Variants in TM4SF20 observed in about 807,000 individuals in gnomAD.
The protein encoded by TM4SF20 is transmembrane 4 L6 family member 20.
Under a neutral mutation model 15.1 loss-of-function variants are expected in TM4SF20, and 13 were observed. The ratio of observed to expected loss-of-function variants is 0.86; its 90% CI spans 0.56 to 1.36. The LOEUF (loss-of-function observed/expected upper bound fraction) is 1.36. TM4SF20 is among the 40% of genes most tolerant of loss of function. The pLI, the probability that TM4SF20 is intolerant of heterozygous loss-of-function variation, is 0.00. For missense variants in TM4SF20, 282 were observed against 268.4 expected (o/e 1.05, Z -0.35); for synonymous variants, 92 against 96.6 (o/e 0.95, Z 0.28).
Position 227,363,634 on chromosome 2 carries a change from T to G in TM4SF20, c.*90A>C. On this transcript the variant is annotated 3_prime_UTR_variant, in exon 4 of 4. Transcript: ENST00000304568. ...CGTGCTTTCTACGTGAAGGGTTGAT[T>G]TTTTAAATCATCTCAAAGATGACTT... 1 of 1,395,088 alleles carries G rather than the reference T, an allele frequency of 7.2e-7. No individual in the cohort carries two copies. The highest frequency in any genetic ancestry group is 9.7e-7 in the Non-Finnish European group (1 of 1,030,788). The allele number at this position is 1,395,088 out of a possible 1,614,324, so 86.4% of individuals were successfully genotyped here. A position where few individuals can be genotyped will look rare whatever the true frequency, so the allele number is the denominator to read the frequency against.
Position 227,363,525 on chromosome 2 carries a change from G to T in TM4SF20, c.*199C>A. Reference sequence around the variant, plus strand: ...CACACAGTGAAGAGGTAAAAAATTTGAATAGTACAACACAAAACTAATTGA... The same window carrying T: ...CACACAGTGAAGAGGTAAAAAATTTTAATAGTACAACACAAAACTAATTGA... On this transcript the variant is annotated 3_prime_UTR_variant, in exon 4 of 4. Coordinates refer to ENST00000304568, the MANE Select transcript of TM4SF20 (RefSeq NM_024795.4). 1 of 524,274 alleles carries T rather than the reference G, an allele frequency of 1.9e-6. No homozygotes were observed. 32.5% of individuals were successfully genotyped at this position (524,274 alleles called of 1,614,324 possible). A position where few individuals can be genotyped will look rare whatever the true frequency, so the allele number is the denominator to read the frequency against.
chr2:227,376,490 T>G (rs1418117891), intron 1 of TM4SF20, among the ~76,000 whole-genome samples: 2 of 152,252 alleles, frequency 1.3e-5, no homozygotes, highest in African/African-American at 2.4e-5. Context: ...CCTCTGTCTA[T>G]AAAGTTCATA....
At chr2:227,373,782 A>T (rs1395857345) in intron 1 of TM4SF20, among the ~76,000 whole-genome samples, 3 of 151,978 alleles carry the variant, frequency 2.0e-5, no homozygotes, top group African/African-American at 7.3e-5. Context: ...ACAAAAAATT[A>T]GCCGGGCTTG....
At chr2:227,377,609 T>C (rs1244753012) in intron 1 of TM4SF20, among the ~76,000 whole-genome samples, 2 of 152,188 alleles carry the variant, frequency 1.3e-5, no homozygotes, top group Non-Finnish European at 2.9e-5. Flanking sequence ...GAAAACTATG[T>C]CCTGAATTTC....
chr2:227,377,853 G>A (rs1195818458), intron 1 of TM4SF20, among the ~76,000 whole-genome samples: 2 of 151,924 alleles, frequency 1.3e-5, no homozygotes, highest in Non-Finnish European at 2.9e-5. Flanking sequence ...AGGAGGGAGA[G>A]GATCAGGCAA....
rs1575020483 is a variant in TM4SF20 at position 227,363,657 on chromosome 2, CTT to C, written c.*65_*66del. On this transcript the variant is annotated 3_prime_UTR_variant, in exon 4 of 4. Coordinates refer to ENST00000304568, the MANE Select transcript of TM4SF20 (RefSeq NM_024795.4). ...ATTTTTTAAATCATCTCAAAGATGA[CTT>C]TGAAAACAAGTGTACTTCTCAAATT... 9.4e-6 allele frequency: 14 copies of C among 1,482,776 alleles called. No homozygotes were observed. The East Asian group carries it at 3.0e-4, about 31-fold the overall frequency. The allele number at this position is 1,482,776 out of a possible 1,614,324, so 91.9% of individuals were successfully genotyped here. A position where few individuals can be genotyped will look rare whatever the true frequency, so the allele number is the denominator to read the frequency against.
At chr2:227,366,062 A>G (rs1321730595) in intron 3 of TM4SF20, 31 bp downstream of exon 3, 1 of 1,595,890 alleles carries the variant, frequency 6.3e-7, no homozygotes, top group Admixed American at 1.8e-5. Context: ...ACTGTGTGAG[A>G]CAGTAAGCCT....
At chr2:227,377,100 T>A (rs1477524606) in intron 1 of TM4SF20, among the ~76,000 whole-genome samples, 1 of 151,006 alleles carries the variant, frequency 6.6e-6, no homozygotes, top group Non-Finnish European at 1.5e-5. Context: ...CATCGCCACC[T>A]CCGACTCCTT....
chr2:227,366,716 C>CAAAAAAAAAAAAAA lies in TM4SF20; in HGVS notation c.250-486_250-473dup, dbSNP rs59401554. ...GCTGGGTGACAGAGCAAGACTCTGTCAAAAAAAAAAAAAAAAAAAAAAAAA... is the reference window on the plus strand; with the variant it reads ...GCTGGGTGACAGAGCAAGACTCTGTCAAAAAAAAAAAAAAAAAAAAAAAAAAAAAAAAAAAAAAA... On this transcript the variant is annotated intron_variant, in intron 2 of 3. Transcript: ENST00000304568. Among the ~76,000 whole-genome samples, 24 of 68,190 alleles carry CAAAAAAAAAAAAAA rather than the reference C, an allele frequency of 3.5e-4. 2 individuals are homozygous for CAAAAAAAAAAAAAA. The highest frequency in any genetic ancestry group is 5.0e-4 in the Non-Finnish European group (18 of 36,152). 44.7% of individuals were successfully genotyped at this position (68,190 alleles called of 152,430 possible). A position where few individuals can be genotyped will look rare whatever the true frequency, so the allele number is the denominator to read the frequency against.
At chr2:227,365,441 T>C (rs920306984) in intron 3 of TM4SF20, among the ~76,000 whole-genome samples, 5 of 152,186 alleles carry the variant, frequency 3.3e-5, no homozygotes, top group African/African-American at 1.2e-4. Context: ...AATGATGTAC[T>C]TAAAAGACTA....
At position 227,362,612 on chromosome 2, in the gene TM4SF20, A is replaced by C. The variant is rs1372810564; in HGVS notation, c.*1112T>G. On this transcript the variant is annotated 3_prime_UTR_variant, in exon 4 of 4. Coordinates refer to ENST00000304568, the MANE Select transcript of TM4SF20 (RefSeq NM_024795.4). ...GCAGTCAAAATTGTGTTTCATGCAC[A>C]AAGTTATTTAAAATATTGTGTGAAA... The C allele has an allele frequency of 6.6e-6, 1 of 152,230 alleles. No individual in the cohort carries two copies. Among genetic ancestry groups the C allele is most frequent in the African/African-American group, 2.4e-5 (1 of 41,462 alleles). The allele number at this position is 152,230 out of a possible 1,614,324, so 9.4% of individuals were successfully genotyped here. A position where few individuals can be genotyped will look rare whatever the true frequency, so the allele number is the denominator to read the frequency against.
rs2076392314 is a variant in TM4SF20 at position 227,366,239 on chromosome 2, A to T, written c.255T>A (p.Phe85Leu). ...TGATCACACTGAAAAGTGATGAAAG[A>T]AACATCTGAAAAATAAAATAGAGCC... The part of the protein sequence containing the change: ...RACCNNRTGM[F>L]LSSLFSVITV... Residue 85 changes from phenylalanine to leucine, a missense_variant, in exon 3 of 4, where the codon TTT becomes TTA. Phe to Leu is a conservative substitution (Grantham distance 22). Transcript: ENST00000304568. 1 of 1,607,790 alleles carries T rather than the reference A, an allele frequency of 6.2e-7. No homozygotes were observed. Among genetic ancestry groups the T allele is most frequent in the East Asian group, 2.2e-5 (1 of 44,836 alleles).
intron 1 of TM4SF20, among the ~76,000 whole-genome samples, chr2:227,373,885 C>G (rs189592916): frequency 0.029 from 4,200 of 145,320 alleles, 160 homozygotes; most frequent in African/African-American, 0.093. Context: ...GCCGAGATCG[C>G]GCCACTGCAC....
intron 1 of TM4SF20, 25 bp downstream of exon 1, chr2:227,379,061 A>T (rs1169159458): frequency 6.2e-7 from 1 of 1,610,080 alleles, no homozygotes; most frequent in South Asian, 1.1e-5. Context: ...CCTTCTTCAC[A>T]TCAAGTCAAA....
At chr2:227,371,999 C>T (rs552331373) in intron 1 of TM4SF20, among the ~76,000 whole-genome samples, 12 of 152,288 alleles carry the variant, frequency 7.9e-5, no homozygotes, top group East Asian at 3.9e-4. Context: ...GCAGCAGCTA[C>T]GACTAGAAAT....
At chr2:227,378,088 ACACACACACACAGG>A (rs1292967890) in intron 1 of TM4SF20, among the ~76,000 whole-genome samples, 1 of 99,696 alleles carries the variant, frequency 1.0e-5, no homozygotes, top group African/African-American at 2.8e-5. Context: ...TGTCTTACAC[ACACACACACACAGG>A]CACACACACA....
upstream of TM4SF20, among the ~76,000 whole-genome samples, chr2:227,380,410 A>G (rs1272689470): frequency 2.0e-5 from 3 of 152,198 alleles, no homozygotes; most frequent in Non-Finnish European, 4.4e-5. Context: ...AGTTACTGAA[A>G]GACCTAGACT....
At chr2:227,372,948 T>A (rs1326834255) in intron 1 of TM4SF20, among the ~76,000 whole-genome samples, 1 of 152,176 alleles carries the variant, frequency 6.6e-6, no homozygotes, top group Non-Finnish European at 1.5e-5. Context: ...CTCGAACTCC[T>A]GGGCTCAAGT....
intron 1 of TM4SF20, among the ~76,000 whole-genome samples, chr2:227,377,895 G>C (rs532238984): frequency 4.6e-5 from 7 of 151,890 alleles, no homozygotes; most frequent in Non-Finnish European, 8.8e-5. Flanking sequence ...TTAATATCTG[G>C]ATGACGAAAT....
Sources: gnomAD v4.1 joint callset for allele counts (sites outside exome capture counted in the v4.1 genomes callset) on GRCh38, gnomAD v4.1.1 for gene constraint, MANE v1.5 for transcripts, NCBI Gene and HGNC (gene_info 2026-07-23, HGNC 2026-07-21) for gene names.